Variants in NRXN3 observed in about 807,000 individuals in gnomAD.
The protein encoded by NRXN3 is neurexin III.
A neutral mutation model predicts 137.6 loss-of-function variants in NRXN3; 32 were observed. The ratio of observed to expected loss-of-function variants is 0.23; its 90% confidence interval spans 0.18 to 0.31. The LOEUF (loss-of-function observed/expected upper bound fraction) is 0.31. Among genes scored for constraint, NRXN3 ranks in the 10% least tolerant of loss-of-function variants. The pLI is 1.00. For synonymous variants in NRXN3, 798 were observed against 784.5 expected (o/e 1.02, Z -0.29); for missense variants, 1,574 against 2,062.5 (o/e 0.76, Z 4.59).
At chr14:79,236,934 G>C (rs927269193) in intron 15 of NRXN3, among the ~76,000 whole-genome samples, 2 of 151,970 alleles carry the variant, frequency 1.3e-5, no homozygotes, top group Admixed American at 1.3e-4. Flanking sequence ...ATTTTTAAAA[G>C]TGTGTTAGAT....
At chr14:79,126,648 T>C (rs2056544837) in intron 15 of NRXN3, among the ~76,000 whole-genome samples, 1 of 152,038 alleles carries the variant, frequency 6.6e-6, no homozygotes, top group African/African-American at 2.4e-5. Context: ...TGTGCATGTG[T>C]CTTTATAGCA....
chr14:79,749,706 A>G (rs1356234444), intron 19 of NRXN3, among the ~76,000 whole-genome samples: 2 of 151,970 alleles, frequency 1.3e-5, no homozygotes, highest in Admixed American at 1.3e-4. Flanking sequence ...CCCTCACCAC[A>G]TTGAGGTGAG....
chr14:79,761,548 C>G (rs2099038548), intron 19 of NRXN3, among the ~76,000 whole-genome samples: 1 of 151,198 alleles, frequency 6.6e-6, no homozygotes, highest in South Asian at 2.1e-4. Context: ...CAAAAATTAG[C>G]TGGGCGTGGT....
chr14:79,122,598 C>T (rs1352255772), intron 15 of NRXN3, among the ~76,000 whole-genome samples: 2 of 151,932 alleles, frequency 1.3e-5, no homozygotes, highest in African/African-American at 4.8e-5. Context: ...ATATTCAGAC[C>T]CAGTATTAGT....
chr14:78,979,435 A>T (rs949762396), intron 14 of NRXN3, among the ~76,000 whole-genome samples: 3 of 152,160 alleles, frequency 2.0e-5, no homozygotes, highest in Non-Finnish European at 2.9e-5. Context: ...GACTTATATA[A>T]ATACACACAC....
intron 15 of NRXN3, among the ~76,000 whole-genome samples, chr14:79,264,384 C>T (rs1007363028): frequency 3.3e-5 from 5 of 152,164 alleles, no homozygotes; most frequent in African/African-American, 9.7e-5. Context: ...CCATCATGTC[C>T]GGCCAACAAT....
At chr14:79,273,806 C>T (rs2079807287) in intron 15 of NRXN3, among the ~76,000 whole-genome samples, 1 of 151,242 alleles carries the variant, frequency 6.6e-6, no homozygotes, top group Admixed American at 6.6e-5. Flanking sequence ...TACAAAGAAG[C>T]TAAGATCGAG....
intron 1 of NRXN3, among the ~76,000 whole-genome samples, chr14:78,182,078 A>G (rs1032328679): frequency 7.1e-6 from 1 of 141,424 alleles, no homozygotes. Flanking sequence ...ATTGGGGGGC[A>G]CTGAGAATTA....
At chr14:79,645,953 C>A (rs756596623) in intron 16 of NRXN3, among the ~76,000 whole-genome samples, 1 of 135,914 alleles carries the variant, frequency 7.4e-6, no homozygotes, top group Admixed American at 7.8e-5. Flanking sequence ...ACTGGGACCT[C>A]CTCCCACCAG....
intron 16 of NRXN3, among the ~76,000 whole-genome samples, chr14:79,599,221 T>A (rs954681187): frequency 2.2e-4 from 33 of 152,332 alleles, no homozygotes; most frequent in African/African-American, 7.0e-4. Context: ...CCCCTTTATA[T>A]CTCAGGATGA....
intron 4 of NRXN3, among the ~76,000 whole-genome samples, chr14:78,633,366 A>G (rs2097539994): frequency 6.6e-6 from 1 of 152,210 alleles, no homozygotes; most frequent in East Asian, 1.9e-4. Flanking sequence ...TGAATATGCA[A>G]TCACTAAAGA....
intron 19 of NRXN3, among the ~76,000 whole-genome samples, chr14:79,742,633 T>G (rs2098966834): frequency 6.6e-6 from 1 of 152,192 alleles, no homozygotes. Context: ...AATTATGTTC[T>G]GGTTTTTGAA....
chr14:78,298,010 T>TG, intron 4 of NRXN3, 150 bp downstream of exon 4: 1 of 774,108 alleles, frequency 1.3e-6, no homozygotes, highest in Non-Finnish European at 2.0e-6. Context: ...CACCCTGCAG[T>TG]GGGGGTGGGG....
Position 79,387,589 on chromosome 14 carries a change from C to T in NRXN3, c.3263-79632C>T, listed in dbSNP as rs551984032. Among the ~76,000 whole-genome samples the T allele has an allele frequency of 5.3e-5, 8 of 152,256 alleles. No individual in the cohort carries two copies. The East Asian group carries it at 1.6e-3, about 30-fold the overall frequency. ...AACTAGAAATACCATTTGACCCAAC[C>T]ATCCCATTACTGGGTATATACCTAA... On this transcript the variant is annotated intron_variant, in intron 15 of 20. Transcript: ENST00000335750.
At chr14:78,748,459 A>T (rs1266091312) in intron 8 of NRXN3, among the ~76,000 whole-genome samples, 1 of 152,208 alleles carries the variant, frequency 6.6e-6, no homozygotes, top group Non-Finnish European at 1.5e-5. Context: ...TAGATAAAGA[A>T]GTTAGGGGGT....
At chr14:78,882,909 A>G (rs2099133293) in intron 10 of NRXN3, among the ~76,000 whole-genome samples, 1 of 151,676 alleles carries the variant, frequency 6.6e-6, no homozygotes, top group Non-Finnish European at 1.5e-5. Context: ...GTGTTATGGG[A>G]GGGACCCAGT....
chr14:79,765,686 G>A (rs543483415), intron 19 of NRXN3, among the ~76,000 whole-genome samples: 8 of 152,098 alleles, frequency 5.3e-5, no homozygotes, highest in Non-Finnish European at 1.0e-4. Flanking sequence ...TAAATAAATG[G>A]TACTCATTCA....
At chr14:78,752,173 G>A (rs530766262) in intron 8 of NRXN3, among the ~76,000 whole-genome samples, 19 of 152,346 alleles carry the variant, frequency 1.2e-4, no homozygotes, top group South Asian at 4.1e-4. Flanking sequence ...GGGAGGCCCC[G>A]AGGCAGGCAG....
In NRXN3 at chr14:79,285,021, G is replaced by A. The variant is rs77442061; in HGVS notation, c.3263-182200G>A. 6.5e-3 allele frequency among the ~76,000 whole-genome samples: 989 copies of A among 152,238 alleles called. 11 individuals are homozygous for A. The highest frequency in any genetic ancestry group is 0.023 in the African/African-American group (964 of 41,524). On this transcript the variant is annotated intron_variant, in intron 15 of 20. Transcript: ENST00000335750. ...CTTCTTTAAAATTCACTGGTGAGTG[G>A]TGGGTCTGGAGATTAACTTGTTCTT... is the stretch of plus-strand genomic sequence containing the variant.
Sources: gnomAD v4.1 joint callset for allele counts (sites outside exome capture counted in the v4.1 genomes callset) on GRCh38, gnomAD v4.1.1 for gene constraint, MANE v1.5 for transcripts, NCBI Gene and HGNC (gene_info 2026-07-23, HGNC 2026-07-21) for gene names.